The following ARIH1 variants were observed in gnomAD, a reference collection of about 807,000 sequenced individuals.
ARIH1 encodes the protein ariadne RBR E3 ubiquitin protein ligase 1, also known as E3 ubiquitin-protein ligase ARIH1.
Under a neutral mutation model 85.0 loss-of-function variants are expected in ARIH1, and 8 were observed. That is an observed-to-expected ratio of 0.09 (90% confidence interval 0.06 to 0.17). ARIH1 has a LOEUF of 0.17. Among genes scored for constraint, ARIH1 ranks in the 10% least tolerant of loss-of-function variants. ARIH1 has a pLI of 1.00. For missense variants in ARIH1, 311 were observed against 718.1 expected (o/e 0.43, Z 6.48); for synonymous variants, 238 against 253.6 (o/e 0.94, Z 0.59).
intron 2 of ARIH1, among the ~76,000 whole-genome samples, chr15:72,536,995 A>G (rs1401011774): frequency 6.6e-6 from 1 of 152,178 alleles, no homozygotes; most frequent in Non-Finnish European, 1.5e-5. Flanking sequence ...ATATTTAGCT[A>G]TAAAAACTAC....
chr15:72,479,225 A>G (rs1474350433), intron 1 of ARIH1, among the ~76,000 whole-genome samples: 1 of 152,180 alleles, frequency 6.6e-6, no homozygotes, highest in African/African-American at 2.4e-5. Context: ...GTATAATTAA[A>G]TATTCCAAAT....
rs1161153932 is a variant in ARIH1, at chr15:72,582,569, T to C, written c.1589+382T>C. ...CAAATGAGCTATGGAAACTTACTTT[T>C]TAGAGTTTTTATTACATATATATAT... On this transcript the variant is annotated intron_variant, in intron 13 of 13. Transcript: ENST00000379887. The surrounding 1 kb of genome is among the most constrained non-coding windows in gnomAD (Gnocchi z 4.6). 1.3e-5 allele frequency among the ~76,000 whole-genome samples: 2 copies of C among 151,626 alleles called. No homozygotes were observed. The highest frequency in any genetic ancestry group is 1.9e-4 in the East Asian group (1 of 5,182).
At chr15:72,542,484 G>C (rs2140422871) in intron 2 of ARIH1, among the ~76,000 whole-genome samples, 1 of 152,170 alleles carries the variant, frequency 6.6e-6, no homozygotes, top group East Asian at 1.9e-4. Flanking sequence ...TATCTGATGG[G>C]CTAAGATTTT....
At chr15:72,548,603 A>C (rs2064139612) in intron 3 of ARIH1, among the ~76,000 whole-genome samples, 2 of 152,234 alleles carry the variant, frequency 1.3e-5, no homozygotes, top group African/African-American at 4.8e-5. Context: ...GTGTTCCGAA[A>C]AGTATCATGA....
intron 7 of ARIH1, among the ~76,000 whole-genome samples, chr15:72,564,229 T>G (rs1023065523): frequency 3.9e-5 from 6 of 152,212 alleles, no homozygotes; most frequent in African/African-American, 1.4e-4. Context: ...AGTAATTTCC[T>G]CAACCAGATA....
At chr15:72,577,675 A>G (rs960980291) in intron 11 of ARIH1, among the ~76,000 whole-genome samples, 11 of 152,088 alleles carry the variant, frequency 7.2e-5, no homozygotes, top group African/African-American at 2.7e-4. Flanking sequence ...TCCATCTCAA[A>G]ACAAAAAACA....
At position 72,582,580 on chromosome 15, in the gene ARIH1, A is replaced by G. The variant is rs1180439236; in HGVS notation, c.1589+393A>G. 6.6e-6 allele frequency among the ~76,000 whole-genome samples: 1 copy of G among 150,882 alleles called. No individual in the cohort carries two copies. Among genetic ancestry groups the G allele is most frequent in the Non-Finnish European group, 1.5e-5 (1 of 67,882 alleles). The stretch of plus-strand genomic sequence containing the variant: ...TGGAAACTTACTTTTTAGAGTTTTT[A>G]TTACATATATATATATATATTTTTT... On this transcript the variant is annotated intron_variant, in intron 13 of 13. Transcript: ENST00000379887. The surrounding 1 kb of genome is among the most constrained non-coding windows in gnomAD (Gnocchi z 4.6).
At chr15:72,484,307 A>G (rs892588401) in intron 1 of ARIH1, among the ~76,000 whole-genome samples, 2 of 151,980 alleles carry the variant, frequency 1.3e-5, no homozygotes, top group Admixed American at 6.6e-5. Flanking sequence ...AAGAGGTGGT[A>G]TTTGGTTACA....
In ARIH1 at chr15:72,474,891, C is replaced by CGGCGGTGGTGGT; in HGVS notation, c.258_269dup (p.Gly87_Gly90dup). The CGGCGGTGGTGGT allele has an allele frequency of 7.0e-7, 1 of 1,429,462 alleles. No homozygotes were observed. The highest frequency in any genetic ancestry group is 9.2e-7 in the Non-Finnish European group (1 of 1,085,698). The allele number at this position is 1,429,462 out of a possible 1,614,324, so 88.5% of individuals were successfully genotyped here. On this transcript the variant is annotated inframe_insertion, in exon 1 of 14. Transcript: ENST00000379887. Reference sequence around the variant, plus strand: ...CCGGCGGTGGCGGCGGCGGCGGCGGCGGCGGTGGTGGTGGCGGGCCGGGGC... The same window carrying CGGCGGTGGTGGT: ...CCGGCGGTGGCGGCGGCGGCGGCGGCGGCGGTGGTGGTGGCGGTGGTGGTGGCGGGCCGGGGC...
chr15:72,573,771 C>G (rs1188166699), intron 11 of ARIH1, among the ~76,000 whole-genome samples: 1 of 151,896 alleles, frequency 6.6e-6, no homozygotes, highest in Non-Finnish European at 1.5e-5. Context: ...TACAGCCAAA[C>G]CAAGAGAGCC....
chr15:72,506,606 T>C (rs1457403389), intron 1 of ARIH1, among the ~76,000 whole-genome samples: 3 of 152,170 alleles, frequency 2.0e-5, no homozygotes, highest in Non-Finnish European at 4.4e-5. Context: ...TCTAATATTG[T>C]TTAAAAAGTA....
chr15:72,561,497 A>T lies in ARIH1; in HGVS notation c.752A>T (p.Asp251Val). ...CTTGGTTTCAGGCGCCTGATCACAG[A>T]TTCAAAAGTTAAATTAAAGTATCAG... ...DDNTVMRLIT[D>V]SKVKLKYQHL... is the part of the protein sequence containing the mutation. Residue 251 changes from aspartate (D) to valine (V), a missense_variant, in exon 6 of 14, where the codon GAT becomes GTT. Asp to Val is a radical substitution (Grantham distance 152). Transcript: ENST00000379887. 6.3e-7 allele frequency: 1 copy of T among 1,598,248 alleles called. No individual in the cohort carries two copies. The highest frequency in any genetic ancestry group is 8.6e-7 in the Non-Finnish European group (1 of 1,168,662).
intron 11 of ARIH1, among the ~76,000 whole-genome samples, chr15:72,576,260 C>T (rs1006071375): frequency 4.6e-5 from 7 of 152,152 alleles, no homozygotes; most frequent in Non-Finnish European, 1.0e-4. Context: ...AATCCCAGCA[C>T]TTTGGGAGGC....
At chr15:72,562,152 T>C (rs1388257642) in intron 6 of ARIH1, among the ~76,000 whole-genome samples, 2 of 152,186 alleles carry the variant, frequency 1.3e-5, no homozygotes, top group Non-Finnish European at 2.9e-5. Flanking sequence ...ATGTTTGAGA[T>C]TCTAACCCTG....
At chr15:72,532,237 C>T (rs1437598010) in intron 2 of ARIH1, among the ~76,000 whole-genome samples, 3 of 147,236 alleles carry the variant, frequency 2.0e-5, no homozygotes, top group Non-Finnish European at 4.5e-5. Context: ...TCCTAAATAA[C>T]CAGTATTAGG....
chr15:72,499,421 A>G (rs2063893923), intron 1 of ARIH1, among the ~76,000 whole-genome samples: 1 of 152,018 alleles, frequency 6.6e-6, no homozygotes, highest in African/African-American at 2.4e-5. Flanking sequence ...TCCTTTTGAC[A>G]TTATCTCTTT....
chr15:72,580,779 A>G lies in ARIH1; in HGVS notation c.1264A>G (p.Met422Val). 1.2e-6 allele frequency: 2 copies of G among 1,614,160 alleles called. No individual in the cohort carries two copies. Among genetic ancestry groups the G allele is most frequent in the Non-Finnish European group, 1.7e-6 (2 of 1,179,994 alleles). Reference sequence around the variant, plus strand: ...GTACCTGTTCTACTGTAATCGCTATATGAACCACATGCAGAGCCTGCGCTT... The same window carrying G: ...GTACCTGTTCTACTGTAATCGCTATGTGAACCACATGCAGAGCCTGCGCTT... ...QRYLFYCNRY[M>V]NHMQSLRFEH... Residue 422 changes from methionine (M) to valine (V), a missense_variant, in exon 12 of 14, where the codon ATG (methionine) becomes GTG (valine). Physicochemically the swap from Met to Val is conservative, Grantham distance 21 (BLOSUM62 1). This residue lies in a region of ARIH1 where 50 missense variants were observed against 311.7 expected (regional missense o/e 0.16). Coordinates refer to ENST00000379887, the MANE Select transcript of ARIH1 (RefSeq NM_005744.5).
In ARIH1 at chr15:72,596,567, G is replaced by A. The variant is rs2064364444; in HGVS notation, c.*13275G>A. ...TCTCTTGCTTCTCCTCTTCTTTGGA[G>A]ATTCTAGTTACATGTATATTAGATG... On this transcript the variant is annotated 3_prime_UTR_variant, in exon 14 of 14. Transcript: ENST00000379887. The A allele has an allele frequency of 6.6e-6, 1 of 152,096 alleles. No homozygotes were observed. Among genetic ancestry groups the A allele is most frequent in the South Asian group, 2.1e-4 (1 of 4,830 alleles). 9.4% of individuals were successfully genotyped at this position (152,096 alleles called of 1,614,324 possible). A position where few individuals can be genotyped will look rare whatever the true frequency, so the allele number is the denominator to read the frequency against.
chr15:72,562,763 T>C (rs1355264561), intron 6 of ARIH1, among the ~76,000 whole-genome samples: 1 of 152,172 alleles, frequency 6.6e-6, no homozygotes, highest in African/African-American at 2.4e-5. Context: ...GAAATAGAAC[T>C]GTAAATAAAT....
Sources: allele counts gnomAD v4.1 joint callset (sites outside exome capture counted in the v4.1 genomes callset), GRCh38; gene constraint gnomAD v4.1.1; regional missense constraint gnomAD v4.1.1; non-coding constraint Gnocchi (gnomAD v3.1); transcripts MANE v1.5; gene names NCBI Gene and HGNC (gene_info 2026-07-23, HGNC 2026-07-21).